Variants in GFRA2 observed in about 807,000 individuals in gnomAD.
GFRA2 encodes GDNF family receptor alpha-2.
In GFRA2, 17 loss-of-function variants were observed where a neutral mutation model predicts 48.3. The ratio of observed to expected loss-of-function variants is 0.35; its 90% CI spans 0.24 to 0.53. The LOEUF is 0.53. Ranked by LOEUF, GFRA2 falls within the 20% of genes least tolerant of loss-of-function variation. GFRA2 has a pLI of 0.93. For synonymous variants in GFRA2, 305 were observed against 257.2 expected (o/e 1.19, Z -1.78); for missense variants, 660 against 637.3 (o/e 1.04, Z -0.38).
intron 4 of GFRA2, among the ~76,000 whole-genome samples, 193 bp from the exon 5 acceptor site, chr8:21,706,234 G>C (rs561884814): frequency 6.6e-6 from 1 of 152,166 alleles, no homozygotes; most frequent in Non-Finnish European, 1.5e-5. Flanking sequence ...TGAGGACAGA[G>C]ACTTCCCGGA....
intron 4 of GFRA2, 49 bp from the exon 5 acceptor site, chr8:21,706,090 CT>C (rs1563218052): frequency 8.2e-7 from 1 of 1,226,024 alleles, no homozygotes; most frequent in Non-Finnish European, 1.2e-6. Flanking sequence ...TTCAGTCTAG[CT>C]GCCTTCTGTC....
chr8:21,725,536 A>G (rs1275447177), intron 4 of GFRA2, among the ~76,000 whole-genome samples: 1 of 152,222 alleles, frequency 6.6e-6, no homozygotes, highest in Non-Finnish European at 1.5e-5. Context: ...TTGCCTTTAC[A>G]TTTACTAAGA....
intron 2 of GFRA2, among the ~76,000 whole-genome samples, chr8:21,800,642 G>C (rs1807753706): frequency 6.6e-6 from 1 of 152,166 alleles, no homozygotes; most frequent in Non-Finnish European, 1.5e-5. Context: ...GTTCAACAGG[G>C]GGCCAGCCAT....
chr8:21,696,615 T>C (rs1427758427), intron 7 of GFRA2, among the ~76,000 whole-genome samples: 1 of 152,060 alleles, frequency 6.6e-6, no homozygotes, highest in Middle Eastern at 3.2e-3. Flanking sequence ...CCAAGTGCAT[T>C]TTCCCTGGCC....
chr8:21,760,399 T>C (rs1420543219), intron 3 of GFRA2, among the ~76,000 whole-genome samples: 1 of 152,184 alleles, frequency 6.6e-6, no homozygotes, highest in African/African-American at 2.4e-5. Flanking sequence ...TGTGAACCCA[T>C]TCTGCATATA....
chr8:21,802,648 C>A (rs1417585895), intron 2 of GFRA2, among the ~76,000 whole-genome samples: 2 of 152,154 alleles, frequency 1.3e-5, no homozygotes, highest in Non-Finnish European at 2.9e-5. Context: ...AGCCCCCACG[C>A]CTGGCCTTCT....
chr8:21,718,359 C>T (rs1045065700), intron 4 of GFRA2, among the ~76,000 whole-genome samples: 5 of 152,190 alleles, frequency 3.3e-5, no homozygotes, highest in Non-Finnish European at 7.3e-5. Context: ...CATATGGAAC[C>T]GTAAGTCCGG....
At chr8:21,712,570 C>T (rs2117403698) in intron 4 of GFRA2, among the ~76,000 whole-genome samples, 1 of 151,460 alleles carries the variant, frequency 6.6e-6, no homozygotes, top group Admixed American at 6.5e-5. Context: ...CGATGGGCGG[C>T]CAGGCAGAGA....
chr8:21,781,652 C>T (rs1316174671), intron 2 of GFRA2, among the ~76,000 whole-genome samples: 3 of 147,618 alleles, frequency 2.0e-5, no homozygotes, highest in East Asian at 2.0e-4. Flanking sequence ...CTTATTTATC[C>T]GCACCTCCCC....
At chr8:21,787,316 C>A (rs1287464203) in intron 1 of GFRA2, among the ~76,000 whole-genome samples, 8 of 151,350 alleles carry the variant, frequency 5.3e-5, no homozygotes, top group African/African-American at 1.9e-4. Context: ...TTGTTCAGAC[C>A]CGTTTTTCCT....
intron 4 of GFRA2, among the ~76,000 whole-genome samples, chr8:21,740,558 G>A (rs1167814646): frequency 6.6e-6 from 1 of 152,124 alleles, no homozygotes. Context: ...TTGACTCCTA[G>A]AATACCATAA....
chr8:21,773,879 G>A (rs1255889910), intron 3 of GFRA2, among the ~76,000 whole-genome samples: 3 of 152,156 alleles, frequency 2.0e-5, no homozygotes, highest in Admixed American at 6.5e-5. Flanking sequence ...TTGCAAGAGC[G>A]CGGCTGGCAT....
chr8:21,714,237 T>A (rs1425201616), intron 4 of GFRA2, among the ~76,000 whole-genome samples: 6 of 140,898 alleles, frequency 4.3e-5, no homozygotes, highest in South Asian at 2.3e-4. Flanking sequence ...TACATACTGG[T>A]CTGAAGTTCT....
At chr8:21,704,017 C>G (rs1188513510) in intron 6 of GFRA2, among the ~76,000 whole-genome samples, 1 of 152,274 alleles carries the variant, frequency 6.6e-6, no homozygotes, top group Middle Eastern at 3.2e-3. Context: ...GATCTAAATG[C>G]CTCAGGCCTG....
chr8:21,765,610 T>C (rs2117664806), intron 3 of GFRA2, among the ~76,000 whole-genome samples: 1 of 152,140 alleles, frequency 6.6e-6, no homozygotes, highest in East Asian at 1.9e-4. Context: ...ACTGTCTATA[T>C]GCTAATCACT....
chr8:21,784,485 G>T (rs1053695551), intron 1 of GFRA2, among the ~76,000 whole-genome samples: 1 of 152,194 alleles, frequency 6.6e-6, no homozygotes, highest in African/African-American at 2.4e-5. Context: ...TCCCCCGGGA[G>T]GCCCTGCTCA....
chr8:21,719,517 A>T (rs936188415), intron 4 of GFRA2, among the ~76,000 whole-genome samples: 2 of 152,238 alleles, frequency 1.3e-5, no homozygotes, highest in African/African-American at 2.4e-5. Context: ...TGAACTGCTA[A>T]GTAAGCTGAA....
intron 5 of GFRA2, 93 bp from the exon 6 acceptor site, chr8:21,705,218 G>A (rs1225692374): frequency 7.6e-7 from 1 of 1,318,002 alleles, no homozygotes; most frequent in Non-Finnish European, 1.0e-6. Context: ...CAGGGCAGAG[G>A]CGTGGTACCC....
chr8:21,800,925 CAAAA>C (rs34924711), intron 2 of GFRA2, among the ~76,000 whole-genome samples: 25 of 112,528 alleles, frequency 2.2e-4, no homozygotes, highest in Admixed American at 1.8e-4. Flanking sequence ...GACCTGGTGT[CAAAA>C]AAAAAAAAAA....
Sources: gnomAD v4.1 joint callset for allele counts (sites outside exome capture counted in the v4.1 genomes callset) on GRCh38, gnomAD v4.1.1 for gene constraint, MANE v1.5 for transcripts, NCBI Gene and HGNC (gene_info 2026-07-23, HGNC 2026-07-21) for gene names.